CNKSR2: variants seen among roughly 807,000 people sequenced by gnomAD.
CNKSR2 encodes connector enhancer of kinase suppressor of Ras 2, also known as CNK homolog protein 2.
Under a neutral mutation model 84.4 loss-of-function variants are expected in CNKSR2, and 14 were observed. The observed-to-expected ratio is 0.17, with a 90% CI of 0.11 to 0.26. The LOEUF is 0.26. CNKSR2 is among the 10% of genes least tolerant of loss of function. CNKSR2 has a pLI of 1.00. For missense variants in CNKSR2, 485 were observed against 771.2 expected, an observed-to-expected ratio of 0.63 and a Z score of 4.40; for synonymous variants, 275 against 277.9, an observed-to-expected ratio of 0.99 and a Z score of 0.10.
chrX:21,529,831 T>A (rs750092590), intron 10 of CNKSR2, among the ~76,000 whole-genome samples: 1 of 111,175 alleles, frequency 9.0e-6, no homozygotes, highest in Admixed American at 9.6e-5. Context: ...ATCTACCCTG[T>A]TGATATAAGG....
At chrX:21,549,580 G>A (rs919858088) in intron 11 of CNKSR2, among the ~76,000 whole-genome samples, 7 of 111,709 alleles carry the variant, frequency 6.3e-5, no homozygotes, top group African/African-American at 2.3e-4. Context: ...GATGTCATAC[G>A]GAACCAAAAA....
chrX:21,571,059 G>C lies in CNKSR2; in HGVS notation c.1608+7607G>C, dbSNP rs1232710523. ...TCAGCCTGTCTTTTGAAGCTTTGAA[G>C]CCAGGCATTGACTTCTCCTCTCTAG... is the stretch of plus-strand genomic sequence containing the variant. On this transcript the variant is annotated intron_variant, in intron 13 of 21. Transcript: ENST00000379510. Among the ~76,000 whole-genome samples the C allele has an allele frequency of 2.7e-5, 3 of 111,929 alleles. No homozygotes were observed. The East Asian group carries it at 8.4e-4, about 31-fold the overall frequency.
At chrX:21,521,570 A>G (rs1312788234) in intron 9 of CNKSR2, among the ~76,000 whole-genome samples, 1 of 110,970 alleles carries the variant, frequency 9.0e-6, no homozygotes, top group Non-Finnish European at 1.9e-5. Flanking sequence ...AATTATGCCC[A>G]TAAGACTGGA....
At chrX:21,553,628 A>G (rs188669375) in intron 11 of CNKSR2, among the ~76,000 whole-genome samples, 286 of 111,179 alleles carry the variant, frequency 2.6e-3, no homozygotes, top group Non-Finnish European at 4.2e-3. Flanking sequence ...AAATAGGTGA[A>G]AGGAATTGTA....
intron 11 of CNKSR2, among the ~76,000 whole-genome samples, chrX:21,539,522 A>G (rs1336797146): frequency 9.1e-6 from 1 of 109,350 alleles, no homozygotes; most frequent in Non-Finnish European, 1.9e-5. Flanking sequence ...CCTTTGGTGT[A>G]TATTGCTAGA....
Position 21,374,598 on chromosome X carries a change from GCA to G in CNKSR2, c.-299_-298del. Reference sequence around the variant, plus strand: ...AGACCGGAGCGGAGCGGCGGAGGCAGCAGCAGCAGCAGCAGCAGCAGCAGCAG... The same window carrying G: ...AGACCGGAGCGGAGCGGCGGAGGCAGGCAGCAGCAGCAGCAGCAGCAGCAG... On this transcript the variant is annotated 5_prime_UTR_variant, in exon 1 of 22. Coordinates refer to ENST00000379510, the MANE Select transcript of CNKSR2 (RefSeq NM_014927.5). 2 of 422,412 alleles carry G rather than the reference GCA, an allele frequency of 4.7e-6. No homozygotes were observed. The highest frequency in any genetic ancestry group is 8.2e-6 in the Non-Finnish European group (2 of 244,134). 34.8% of individuals were successfully genotyped at this position (422,412 alleles called of 1,213,427 possible). A position where few individuals can be genotyped will look rare whatever the true frequency, so the allele number is the denominator to read the frequency against.
chrX:21,418,868 T>G (rs2090457880), intron 1 of CNKSR2, among the ~76,000 whole-genome samples: 1 of 110,597 alleles, frequency 9.0e-6, no homozygotes, highest in African/African-American at 3.3e-5. Context: ...TTTGTTAAAT[T>G]TATCTAATAT....
chrX:21,504,598 G>A (rs1251710201), intron 8 of CNKSR2: 1 of 261,730 alleles, frequency 3.8e-6, no homozygotes, highest in Non-Finnish European at 6.8e-6. Context: ...TTCCCTAAGA[G>A]TCTAAGAAAG....
intron 20 of CNKSR2, among the ~76,000 whole-genome samples, chrX:21,628,256 C>T (rs2092632678): frequency 2.7e-5 from 3 of 111,841 alleles, no homozygotes; most frequent in Admixed American, 9.4e-5. Flanking sequence ...TTGCAGGGTA[C>T]AACCTCTCTC....
At chrX:21,523,664 C>T (rs188432636) in intron 9 of CNKSR2, among the ~76,000 whole-genome samples, 1 of 110,012 alleles carries the variant, frequency 9.1e-6, no homozygotes, top group African/African-American at 3.3e-5. Context: ...TGAAAGAATT[C>T]TGTGTTTCAA....
intron 17 of CNKSR2, among the ~76,000 whole-genome samples, chrX:21,599,381 T>C (rs1043428433): frequency 1.0e-5 from 1 of 97,939 alleles, no homozygotes; most frequent in Non-Finnish European, 2.1e-5. Context: ...TGTGTGTGTG[T>C]GTGAGATGGA....
intron 18 of CNKSR2, among the ~76,000 whole-genome samples, chrX:21,602,939 C>G (rs12388814): frequency 0.041 from 4,554 of 111,772 alleles, 247 homozygotes; most frequent in African/African-American, 0.14. Flanking sequence ...GAGCTTGGTT[C>G]TTAGGCTTAA....
At chrX:21,605,507 G>T (rs1354359323) in intron 18 of CNKSR2, among the ~76,000 whole-genome samples, 1 of 111,686 alleles carries the variant, frequency 9.0e-6, no homozygotes, top group African/African-American at 3.3e-5. Context: ...TACATAGCAG[G>T]AGGAGATAGG....
intron 20 of CNKSR2, among the ~76,000 whole-genome samples, chrX:21,631,489 A>G (rs760913389): frequency 1.9e-4 from 21 of 112,005 alleles, no homozygotes; most frequent in Middle Eastern, 9.3e-3. Context: ...TTATTTATCT[A>G]TCATTTGGTG....
At position 21,640,918 on chromosome X, in the gene CNKSR2, A is replaced by G. The variant is rs149967173; in HGVS notation, c.2693-7913A>G. 2.8e-3 allele frequency among the ~76,000 whole-genome samples: 319 copies of G among 112,064 alleles called. 1 individual carries two copies. Among genetic ancestry groups the G allele is most frequent in the Middle Eastern group, 0.014 (3 of 217 alleles). On this transcript the variant is annotated intron_variant, in intron 20 of 21. Transcript: ENST00000379510. ...TCAGGTGTAAAGTCACCCTTTCATCACATTCACTCTGTCTTAGCTTTTCGT... is the reference window on the plus strand; with the variant it reads ...TCAGGTGTAAAGTCACCCTTTCATCGCATTCACTCTGTCTTAGCTTTTCGT...
At chrX:21,558,123 A>C (rs1376935236) in intron 11 of CNKSR2, among the ~76,000 whole-genome samples, 3 of 111,631 alleles carry the variant, frequency 2.7e-5, no homozygotes, top group Non-Finnish European at 5.7e-5. Context: ...CTGTGAAATT[A>C]AAATGCTGCT....
chrX:21,540,618 T>C (rs919219432), intron 11 of CNKSR2, among the ~76,000 whole-genome samples: 2 of 112,235 alleles, frequency 1.8e-5, no homozygotes, highest in African/African-American at 6.5e-5. Flanking sequence ...GTGTGATACC[T>C]TAAAATGCAC....
At position 21,555,111 on chromosome X, in the gene CNKSR2, G is replaced by T. The variant is rs1432629646; in HGVS notation, c.1304-6360G>T. On this transcript the variant is annotated intron_variant, in intron 11 of 21. Transcript: ENST00000379510. ...TTTCCCTAATGATTAGCGATGTTGAGCTTTTTTCCATATGATTGTTGGCAG... is the reference window on the plus strand; with the variant it reads ...TTTCCCTAATGATTAGCGATGTTGATCTTTTTTCCATATGATTGTTGGCAG... 8.3e-5 allele frequency among the ~76,000 whole-genome samples: 9 copies of T among 109,042 alleles called. No individual in the cohort carries two copies. In the Admixed American group the frequency reaches 8.8e-4, roughly 11 times the overall value. The allele number at this position is 109,042 out of a possible 115,157, so 94.7% of individuals were successfully genotyped here. A position where few individuals can be genotyped will look rare whatever the true frequency, so the allele number is the denominator to read the frequency against.
intron 11 of CNKSR2, among the ~76,000 whole-genome samples, chrX:21,544,787 T>C (rs915317682): frequency 9.2e-6 from 1 of 108,960 alleles, no homozygotes. Context: ...GCACAAGGGG[T>C]CGGGGACCTC....
Sources: gnomAD v4.1 joint callset for allele counts (sites outside exome capture counted in the v4.1 genomes callset) on GRCh38, gnomAD v4.1.1 for gene constraint, MANE v1.5 for transcripts, NCBI Gene and HGNC (gene_info 2026-07-23, HGNC 2026-07-21) for gene names.